The following SERPINI2 variants were observed in gnomAD, a reference collection of about 807,000 sequenced individuals.
SERPINI2 encodes serpin family I member 2, also known as serpin I2.
In SERPINI2, 48 loss-of-function variants were observed where a neutral mutation model predicts 47.3. The observed-to-expected ratio is 1.02, with a 90% CI of 0.81 to 1.29. The LOEUF is 1.29. SERPINI2 is among the 50% of genes most tolerant of loss of function. The pLI, the probability that SERPINI2 is intolerant of heterozygous loss-of-function variation, is 0.00. For synonymous variants in SERPINI2, 135 were observed against 149.3 expected (o/e 0.90, Z 0.70); for missense variants, 448 against 456.9 (o/e 0.98, Z 0.18).
intron 5 of SERPINI2, among the ~76,000 whole-genome samples, chr3:167,459,923 C>T (rs991004373): frequency 3.9e-5 from 6 of 152,048 alleles, no homozygotes; most frequent in Non-Finnish European, 8.8e-5. Flanking sequence ...AGACAGATGG[C>T]TACATGACAA....
chr3:167,457,041 T>A (rs1259547530), intron 5 of SERPINI2, among the ~76,000 whole-genome samples: 3 of 152,218 alleles, frequency 2.0e-5, no homozygotes, highest in African/African-American at 7.2e-5. Flanking sequence ...AATATTATTT[T>A]CAGTAATCTG....
At chr3:167,446,206 A>G (rs1025411702) in intron 8 of SERPINI2, among the ~76,000 whole-genome samples, 186 bp downstream of exon 8, 1 of 152,192 alleles carries the variant, frequency 6.6e-6, no homozygotes, top group East Asian at 1.9e-4. Flanking sequence ...GATGGCAGCC[A>G]TTATTACCAC....
At chr3:167,471,894 C>G (rs778029097) in intron 1 of SERPINI2, 50 bp from the exon 2 acceptor site, 1 of 1,432,914 alleles carries the variant, frequency 7.0e-7, no homozygotes, top group East Asian at 2.3e-5. Context: ...GAGTTTTCCA[C>G]AGAGAGCTCA....
exon 8 of SERPINI2, chr3:167,446,427 T>C (rs1749481052): frequency 9.3e-6 from 15 of 1,610,442 alleles, no homozygotes; most frequent in Non-Finnish European, 8.5e-6. Context: ...CAGAAATGGA[T>C]GATTTGCTAT....
upstream of SERPINI2, among the ~76,000 whole-genome samples, chr3:167,476,166 AC>A (rs1327607793): frequency 2.6e-5 from 4 of 151,934 alleles, no homozygotes; most frequent in East Asian, 7.7e-4. Context: ...TCCTTTTACC[AC>A]AGAAAAATGG....
intron 5 of SERPINI2, among the ~76,000 whole-genome samples, chr3:167,462,566 CTG>C (rs1351480889): frequency 5.9e-5 from 9 of 152,188 alleles, no homozygotes; most frequent in African/African-American, 2.2e-4. Flanking sequence ...TTTCATTACT[CTG>C]TAAAAATCTT....
chr3:167,454,729 A>T (rs1188664780), intron 5 of SERPINI2, among the ~76,000 whole-genome samples: 2 of 152,308 alleles, frequency 1.3e-5, no homozygotes, highest in East Asian at 3.9e-4. Flanking sequence ...AGCAATAAAA[A>T]CACATTCAGC....
At chr3:167,473,454 G>A (rs1008634633) in intron 1 of SERPINI2, among the ~76,000 whole-genome samples, 3 of 151,512 alleles carry the variant, frequency 2.0e-5, no homozygotes, top group Non-Finnish European at 3.0e-5. Flanking sequence ...TTGTAGATAC[G>A]TAGTCAAAAT....
intron 8 of SERPINI2, among the ~76,000 whole-genome samples, chr3:167,446,113 T>G (rs1314498974): frequency 6.6e-6 from 1 of 152,208 alleles, no homozygotes; most frequent in East Asian, 1.9e-4. Context: ...CTTTTGTTCT[T>G]TACTAGTCAA....
intron 8 of SERPINI2, among the ~76,000 whole-genome samples, chr3:167,443,124 C>T (rs907770466): frequency 2.0e-5 from 3 of 152,066 alleles, no homozygotes. Context: ...GTTTTGTTTT[C>T]TGAGACGGAG....
At chr3:167,442,400 C>T (rs915453821) in intron 8 of SERPINI2, among the ~76,000 whole-genome samples, 2 of 151,950 alleles carry the variant, frequency 1.3e-5, no homozygotes, top group Admixed American at 6.6e-5. Flanking sequence ...AAATTAACAC[C>T]CACTACAGCT....
At chr3:167,456,076 A>G (rs550390600) in intron 5 of SERPINI2, among the ~76,000 whole-genome samples, 247 of 151,404 alleles carry the variant, frequency 1.6e-3, no homozygotes, top group Non-Finnish European at 2.9e-3. Flanking sequence ...ATACAACACA[A>G]TCTTTGACAA....
intron 5 of SERPINI2, among the ~76,000 whole-genome samples, chr3:167,460,990 G>A (rs900817318): frequency 1.3e-5 from 2 of 152,158 alleles, no homozygotes; most frequent in African/African-American, 4.8e-5. Context: ...AGAAATAAAA[G>A]TGCAATGTAA....
At chr3:167,448,405 C>T (rs1019532265) in intron 7 of SERPINI2, among the ~76,000 whole-genome samples, 28 of 152,364 alleles carry the variant, frequency 1.8e-4, no homozygotes, top group African/African-American at 6.7e-4. Context: ...CTGGTTCTTC[C>T]ATGCACATTG....
At chr3:167,468,353 T>C (rs1446450263) in intron 2 of SERPINI2, among the ~76,000 whole-genome samples, 1 of 152,100 alleles carries the variant, frequency 6.6e-6, no homozygotes, top group African/African-American at 2.4e-5. Flanking sequence ...ACATTTTTTT[T>C]TTTAAATCAG....
intron 5 of SERPINI2, among the ~76,000 whole-genome samples, chr3:167,457,398 A>G (rs936121361): frequency 6.6e-6 from 1 of 152,244 alleles, no homozygotes; most frequent in Non-Finnish European, 1.5e-5. Flanking sequence ...GTTTTCTAGT[A>G]AGTTGAGCCT....
At chr3:167,456,582 T>A (rs1292483536) in intron 5 of SERPINI2, among the ~76,000 whole-genome samples, 1 of 152,146 alleles carries the variant, frequency 6.6e-6, no homozygotes, top group African/African-American at 2.4e-5. Context: ...TCACTGACTG[T>A]TTGTTCTGTT....
intron 5 of SERPINI2, among the ~76,000 whole-genome samples, chr3:167,463,829 T>G (rs1435377250): frequency 6.6e-6 from 1 of 151,672 alleles, no homozygotes; most frequent in Non-Finnish European, 1.5e-5. Context: ...CCTAGAGTAG[T>G]AAGTGAAGGA....
upstream of SERPINI2, among the ~76,000 whole-genome samples, chr3:167,476,718 C>T (rs567917483): frequency 7.9e-5 from 12 of 152,098 alleles, no homozygotes; most frequent in Non-Finnish European, 1.6e-4. Flanking sequence ...TAATAAACCA[C>T]TACATTTTAT....
Sources: gnomAD v4.1 joint callset for allele counts (sites outside exome capture counted in the v4.1 genomes callset) on GRCh38, gnomAD v4.1.1 for gene constraint, MANE v1.5 for transcripts, NCBI Gene and HGNC (gene_info 2026-07-23, HGNC 2026-07-21) for gene names.